ZZZ3: variants seen among roughly 807,000 people sequenced by gnomAD.
ZZZ3 encodes the protein ZZ-type zinc finger-containing protein 3.
A neutral mutation model predicts 95.2 loss-of-function variants in ZZZ3; 22 were observed. The ratio of observed to expected loss-of-function variants is 0.23; its 90% CI spans 0.17 to 0.33. The LOEUF (loss-of-function observed/expected upper bound fraction) is 0.33. ZZZ3 is among the 10% of genes least tolerant of loss of function. ZZZ3 has a pLI of 1.00. For missense variants in ZZZ3, 885 were observed against 1,066.5 expected (o/e 0.83, Z 2.37); for synonymous variants, 335 against 358.9 (o/e 0.93, Z 0.75).
chr1:77,599,367 T>C (rs566127788), intron 5 of ZZZ3, among the ~76,000 whole-genome samples: 1 of 152,156 alleles, frequency 6.6e-6, no homozygotes, highest in South Asian at 2.1e-4. Flanking sequence ...ATACATTAGT[T>C]ATGATTACAT....
At chr1:77,682,791 A>T (rs1436740072), upstream of ZZZ3, 7 of 152,290 alleles carry the variant, frequency 4.6e-5, no homozygotes, top group East Asian at 1.3e-3. Context: ...CTAACGGAGT[A>T]GTGAACATTT....
chr1:77,648,868 G>C (rs1055389865), intron 1 of ZZZ3, among the ~76,000 whole-genome samples: 1 of 152,058 alleles, frequency 6.6e-6, no homozygotes, highest in African/African-American at 2.4e-5. Flanking sequence ...TGGTGGCTCA[G>C]TGCTGTAATC....
chr1:77,622,551 C>T (rs1217761614), intron 5 of ZZZ3, among the ~76,000 whole-genome samples: 1 of 152,066 alleles, frequency 6.6e-6, no homozygotes, highest in Admixed American at 6.5e-5. Context: ...AAATATTATA[C>T]AGCAAATCTG....
intron 1 of ZZZ3, among the ~76,000 whole-genome samples, chr1:77,674,522 T>C (rs1198261286): frequency 6.6e-6 from 1 of 152,238 alleles, no homozygotes; most frequent in Non-Finnish European, 1.5e-5. Context: ...TTCTTCTTAG[T>C]GACGATTACA....
intron 1 of ZZZ3, among the ~76,000 whole-genome samples, chr1:77,681,929 C>T (rs1672803846): frequency 6.8e-6 from 1 of 146,130 alleles, no homozygotes; most frequent in Non-Finnish European, 1.5e-5. Flanking sequence ...TCACATGAAA[C>T]AGTCTGTTAC....
At chr1:77,658,082 G>A (rs1248863051) in intron 1 of ZZZ3, among the ~76,000 whole-genome samples, 2 of 151,604 alleles carry the variant, frequency 1.3e-5, no homozygotes, top group Non-Finnish European at 2.9e-5. Context: ...GGGAGGCTGA[G>A]GCAGGAGAAT....
intron 4 of ZZZ3, among the ~76,000 whole-genome samples, chr1:77,636,748 A>C (rs1668344005): frequency 6.7e-6 from 1 of 150,342 alleles, no homozygotes; most frequent in African/African-American, 2.4e-5. Context: ...AGTAAGGCCT[A>C]TCTTAATTTT....
At chr1:77,628,961 CAGG>C (rs1003845135) in intron 5 of ZZZ3, among the ~76,000 whole-genome samples, 1 of 152,140 alleles carries the variant, frequency 6.6e-6, no homozygotes, top group African/African-American at 2.4e-5. Context: ...TATGTGTGTA[CAGG>C]AGGAGAATAA....
chr1:77,570,708 C>T (rs1661298010), intron 12 of ZZZ3, among the ~76,000 whole-genome samples: 1 of 151,216 alleles, frequency 6.6e-6, no homozygotes, highest in Non-Finnish European at 1.5e-5. Flanking sequence ...CACTCTGTCA[C>T]CCAGGCTGGA....
intron 1 of ZZZ3, among the ~76,000 whole-genome samples, chr1:77,654,938 C>T (rs1285680754): frequency 6.6e-6 from 1 of 152,106 alleles, no homozygotes; most frequent in African/African-American, 2.4e-5. Flanking sequence ...TATAAGCCAC[C>T]ACACCGAGCC....
intron 5 of ZZZ3, among the ~76,000 whole-genome samples, chr1:77,587,796 A>C (rs890079098): frequency 6.6e-6 from 1 of 152,194 alleles, no homozygotes; most frequent in African/African-American, 2.4e-5. Context: ...TCTACCTCTG[A>C]CATCTCTGAG....
At chr1:77,610,673 G>A (rs1446743367) in intron 5 of ZZZ3, among the ~76,000 whole-genome samples, 2 of 151,560 alleles carry the variant, frequency 1.3e-5, no homozygotes, top group Non-Finnish European at 3.0e-5. Flanking sequence ...GCAAATCAAT[G>A]CGATACATCA....
At chr1:77,636,952 T>C (rs1300454078) in intron 4 of ZZZ3, among the ~76,000 whole-genome samples, 2 of 152,164 alleles carry the variant, frequency 1.3e-5, no homozygotes, top group East Asian at 1.9e-4. Context: ...TTGGGCTGTA[T>C]TGAAAGAGAA....
intron 1 of ZZZ3, among the ~76,000 whole-genome samples, chr1:77,660,144 T>C (rs1670657495): frequency 6.6e-6 from 1 of 152,210 alleles, no homozygotes; most frequent in Admixed American, 6.5e-5. Context: ...CATTTCATTT[T>C]CTAGCAGGTA....
intron 1 of ZZZ3, among the ~76,000 whole-genome samples, chr1:77,649,811 G>A (rs1007839076): frequency 2.0e-5 from 3 of 151,758 alleles, no homozygotes; most frequent in Non-Finnish European, 4.4e-5. Context: ...GAACCCAGGA[G>A]GCAGTGAGCC....
In ZZZ3 at chr1:77,664,111, C is replaced by T. The variant is rs577635641; in HGVS notation, c.-403+18474G>A. Among the ~76,000 whole-genome samples the T allele has an allele frequency of 4.6e-5, 7 of 151,836 alleles. No homozygotes were observed. The South Asian group carries it at 1.5e-3, about 32-fold the overall frequency. ...GAAAAAAAAAAAAACAAACTATCTA[C>T]TCTTTCTGTTCTATTGTTATTGCTC... is the stretch of plus-strand genomic sequence containing the variant. On this transcript the variant is annotated intron_variant, in intron 1 of 14. Coordinates refer to ENST00000370801, the MANE Select transcript of ZZZ3 (RefSeq NM_015534.6).
chr1:77,578,546 G>A (rs1369499558), intron 11 of ZZZ3, among the ~76,000 whole-genome samples: 1 of 152,132 alleles, frequency 6.6e-6, no homozygotes, highest in African/African-American at 2.4e-5. Context: ...AATCTTTCAA[G>A]TAGCACTCAT....
intron 1 of ZZZ3, among the ~76,000 whole-genome samples, chr1:77,657,954 G>A (rs934359026): frequency 5.3e-5 from 8 of 151,950 alleles, no homozygotes; most frequent in Admixed American, 4.6e-4. Context: ...CAAGGTGAGT[G>A]GATCACCTGA....
At chr1:77,621,583 A>G (rs1666866476) in intron 5 of ZZZ3, among the ~76,000 whole-genome samples, 1 of 151,698 alleles carries the variant, frequency 6.6e-6, no homozygotes, top group African/African-American at 2.4e-5. Context: ...TGGGAGGCCA[A>G]GGTGGGCGGA....
Sources: gnomAD v4.1 joint callset for allele counts (sites outside exome capture counted in the v4.1 genomes callset) on GRCh38, gnomAD v4.1.1 for gene constraint, MANE v1.5 for transcripts, NCBI Gene and HGNC (gene_info 2026-07-23, HGNC 2026-07-21) for gene names.